LY86: variants seen among roughly 807,000 people sequenced by gnomAD.
LY86 encodes lymphocyte antigen 86.
A neutral mutation model predicts 17.3 loss-of-function variants in LY86; 20 were observed. That is an observed-to-expected ratio of 1.15 (90% confidence interval 0.81 to 1.68). The LOEUF (loss-of-function observed/expected upper bound fraction) is 1.68, where lower values mean the gene tolerates loss of function less well. Among genes scored for constraint, LY86 ranks in the 40% most tolerant of loss-of-function variants. The pLI, the probability that LY86 is intolerant of heterozygous loss-of-function variation, is 0.00. For synonymous variants in LY86, 74 were observed against 70.6 expected (o/e 1.05, Z -0.24); for missense variants, 200 against 191.9 (o/e 1.04, Z -0.25).
chr6:6,617,336 A>T (rs1761577743), intron 1 of LY86, among the ~76,000 whole-genome samples: 1 of 152,226 alleles, frequency 6.6e-6, no homozygotes, highest in Non-Finnish European at 1.5e-5. Flanking sequence ...GAAGAGTGAC[A>T]CTGTTATTAA....
chr6:6,628,874 A>G (rs933129627), intron 3 of LY86, among the ~76,000 whole-genome samples: 1 of 152,250 alleles, frequency 6.6e-6, no homozygotes, highest in African/African-American at 2.4e-5. Context: ...CTTAAAAATG[A>G]CTACTTAAGG....
At chr6:6,643,846 T>C (rs531132539) in intron 3 of LY86, among the ~76,000 whole-genome samples, 3 of 152,366 alleles carry the variant, frequency 2.0e-5, no homozygotes, top group South Asian at 4.1e-4. Flanking sequence ...ATACAATTTT[T>C]ATTTGTCAAT....
intron 3 of LY86, among the ~76,000 whole-genome samples, chr6:6,647,839 C>T (rs1762126934): frequency 6.6e-6 from 1 of 152,142 alleles, no homozygotes; most frequent in African/African-American, 2.4e-5. Flanking sequence ...TTAATCACCA[C>T]ATGTTAATAA....
intron 1 of LY86, among the ~76,000 whole-genome samples, chr6:6,605,924 G>A (rs529513552): frequency 5.9e-5 from 9 of 152,332 alleles, no homozygotes; most frequent in East Asian, 5.8e-4. Flanking sequence ...TGAAGCTGCA[G>A]ACCTTCACAG....
At chr6:6,624,757 ACGGGG>A (rs932608427) in intron 1 of LY86, among the ~76,000 whole-genome samples, 164 bp from the exon 2 acceptor site, 32 of 152,350 alleles carry the variant, frequency 2.1e-4, no homozygotes, top group Non-Finnish European at 4.4e-4. Flanking sequence ...CTTTGAAGAC[ACGGGG>A]GGGAGCTGAT....
chr6:6,594,428 A>T (rs974872483), intron 1 of LY86, among the ~76,000 whole-genome samples: 1 of 144,238 alleles, frequency 6.9e-6, no homozygotes, highest in Non-Finnish European at 1.5e-5. Flanking sequence ...AGCTGCACCC[A>T]TTCTTTTAGA....
chr6:6,615,887 A>G (rs1201067291), intron 1 of LY86, among the ~76,000 whole-genome samples: 1 of 152,196 alleles, frequency 6.6e-6, no homozygotes, highest in Non-Finnish European at 1.5e-5. Flanking sequence ...AAAAAGATGT[A>G]TGAACTTAAC....
intron 3 of LY86, among the ~76,000 whole-genome samples, chr6:6,643,363 C>T (rs1056802039): frequency 6.6e-6 from 1 of 152,204 alleles, no homozygotes. Context: ...CTGCCATTTG[C>T]AACAACGTGG....
chr6:6,630,090 T>A (rs933762233), intron 3 of LY86, among the ~76,000 whole-genome samples: 1 of 152,228 alleles, frequency 6.6e-6, no homozygotes, highest in Non-Finnish European at 1.5e-5. Context: ...TCTCTGCAGA[T>A]CTTTATTTTT....
intron 3 of LY86, among the ~76,000 whole-genome samples, chr6:6,627,951 T>C (rs929043093): frequency 1.3e-5 from 2 of 152,134 alleles, no homozygotes; most frequent in African/African-American, 4.8e-5. Flanking sequence ...AATGAGTGTG[T>C]CTTGCTTTTG....
intron 1 of LY86, among the ~76,000 whole-genome samples, chr6:6,601,740 G>T (rs1478714031): frequency 1.3e-5 from 2 of 151,862 alleles, no homozygotes; most frequent in Non-Finnish European, 2.9e-5. Flanking sequence ...GAAAAAAAAA[G>T]AAATATACAA....
At chr6:6,593,777 T>C (rs1170177553) in intron 1 of LY86, among the ~76,000 whole-genome samples, 1 of 152,218 alleles carries the variant, frequency 6.6e-6, no homozygotes, top group African/African-American at 2.4e-5. Context: ...GATGGCATCC[T>C]GGATGGTGTG....
intron 3 of LY86, among the ~76,000 whole-genome samples, chr6:6,639,583 C>T (rs1762009405): frequency 6.6e-6 from 1 of 152,192 alleles, no homozygotes; most frequent in South Asian, 2.1e-4. Context: ...CTGCTGCGTT[C>T]CTCGGCCCGT....
intron 1 of LY86, among the ~76,000 whole-genome samples, chr6:6,604,061 A>G (rs1369681264): frequency 6.6e-6 from 1 of 152,196 alleles, no homozygotes; most frequent in Admixed American, 6.5e-5. Context: ...TCTTAAGCCT[A>G]GAAATTAAAT....
At chr6:6,609,073 A>T (rs1354806050) in intron 1 of LY86, among the ~76,000 whole-genome samples, 2 of 152,210 alleles carry the variant, frequency 1.3e-5, no homozygotes, top group African/African-American at 4.8e-5. Context: ...GACCAAGCCA[A>T]CCGCAGCTCT....
intron 1 of LY86, chr6:6,591,622 G>A (rs1023925455): frequency 1.3e-5 from 2 of 153,374 alleles, no homozygotes; most frequent in Admixed American, 6.5e-5. Context: ...TAAACTGAGG[G>A]ATAAAGATGT....
At chr6:6,639,927 A>G (rs1762014579) in intron 3 of LY86, among the ~76,000 whole-genome samples, 1 of 152,188 alleles carries the variant, frequency 6.6e-6, no homozygotes, top group Non-Finnish European at 1.5e-5. Context: ...CTCAAACTCC[A>G]TAGGTTTTCA....
chr6:6,641,521 C>T (rs974635747), intron 3 of LY86, among the ~76,000 whole-genome samples: 1 of 152,158 alleles, frequency 6.6e-6, no homozygotes, highest in Non-Finnish European at 1.5e-5. Context: ...CTGTCTTCTC[C>T]CAGAGTGTGA....
At chr6:6,605,074 A>G (rs1040942982) in intron 1 of LY86, among the ~76,000 whole-genome samples, 4 of 151,962 alleles carry the variant, frequency 2.6e-5, no homozygotes, top group African/African-American at 9.7e-5. Context: ...CTCTCACTAA[A>G]AGAACTTTAA....
Sources: gnomAD v4.1 joint callset for allele counts (sites outside exome capture counted in the v4.1 genomes callset) on GRCh38, gnomAD v4.1.1 for gene constraint, MANE v1.5 for transcripts, NCBI Gene and HGNC (gene_info 2026-07-23, HGNC 2026-07-21) for gene names.